Variants in FREM2 observed in about 807,000 individuals in gnomAD.
The protein encoded by FREM2 is FRAS1 related extracellular matrix 2.
In FREM2, 119 loss-of-function variants were observed where a neutral mutation model predicts 219.9. The observed-to-expected ratio is 0.54, with a 90% CI of 0.47 to 0.63. FREM2 has a LOEUF of 0.63. Ranked by LOEUF, FREM2 falls within the 30% of genes least tolerant of loss-of-function variation. The pLI is 0.00. For missense variants in FREM2, 4,030 were observed against 3,993.6 expected, an observed-to-expected ratio of 1.01 and a Z score of -0.25; for synonymous variants, 1,562 against 1,522.8, an observed-to-expected ratio of 1.03 and a Z score of -0.60.
chr13:38,744,308 T>A (rs905087234), intron 2 of FREM2, among the ~76,000 whole-genome samples: 2 of 144,278 alleles, frequency 1.4e-5, no homozygotes, highest in East Asian at 4.3e-4. Context: ...ACTCCTGAGC[T>A]CAAGTGATCC....
At chr13:38,726,623 C>T (rs748748948) in intron 2 of FREM2, among the ~76,000 whole-genome samples, 14 of 152,058 alleles carry the variant, frequency 9.2e-5, no homozygotes, top group Non-Finnish European at 1.6e-4. Context: ...TTCCAGATAC[C>T]CTTGGAAAAA....
intron 17 of FREM2, among the ~76,000 whole-genome samples, chr13:38,873,521 C>T (rs191436166): frequency 1.8e-3 from 278 of 152,280 alleles, no homozygotes; most frequent in African/African-American, 6.3e-3. Context: ...TGAATGTCTG[C>T]GAACTCGGAT....
At chr13:38,762,587 G>A (rs1007625702) in intron 2 of FREM2, among the ~76,000 whole-genome samples, 9 of 151,908 alleles carry the variant, frequency 5.9e-5, no homozygotes, top group African/African-American at 2.2e-4. Context: ...TTACAGGCAT[G>A]CGCCACCATG....
chr13:38,856,361 GC>G (rs1260674705), intron 12 of FREM2, 105 bp downstream of exon 12: 1 of 1,041,692 alleles, frequency 9.6e-7, no homozygotes, highest in East Asian at 2.5e-5. Flanking sequence ...CTTTGAACAA[GC>G]CTTACGTGAA....
At chr13:38,850,651 C>T (rs755663681) in intron 9 of FREM2, among the ~76,000 whole-genome samples, 16 of 152,188 alleles carry the variant, frequency 1.1e-4, no homozygotes, top group Non-Finnish European at 1.9e-4. Context: ...GCTAAAAATT[C>T]ATAAATAAAA....
intron 6 of FREM2, among the ~76,000 whole-genome samples, chr13:38,818,738 G>A (rs1206584129): frequency 6.6e-6 from 1 of 152,000 alleles, no homozygotes; most frequent in Non-Finnish European, 1.5e-5. Flanking sequence ...TGAGGCAGGT[G>A]GATCACCTGA....
intron 12 of FREM2, among the ~76,000 whole-genome samples, chr13:38,857,022 G>T (rs1418392613): frequency 6.6e-6 from 1 of 151,916 alleles, no homozygotes; most frequent in East Asian, 1.9e-4. Flanking sequence ...TTCTACTACA[G>T]TGCCTTGCTT....
At chr13:38,783,298 T>C (rs1424624835) in intron 5 of FREM2, 103 bp downstream of exon 5, 1 of 1,229,512 alleles carries the variant, frequency 8.1e-7, no homozygotes, top group East Asian at 2.3e-5. Flanking sequence ...GTATACTTTA[T>C]TAATTTTCCA....
chr13:38,707,443 CT>C (rs1351317649), intron 2 of FREM2, among the ~76,000 whole-genome samples: 1 of 152,122 alleles, frequency 6.6e-6, no homozygotes, highest in East Asian at 1.9e-4. Context: ...TTCATGGTAG[CT>C]TTTGATGAAG....
intron 3 of FREM2, 70 bp downstream of exon 3, chr13:38,764,520 TTAAAG>T: frequency 1.1e-6 from 1 of 931,928 alleles, no homozygotes; most frequent in South Asian, 1.6e-5. Flanking sequence ...TCTACAGTGA[TTAAAG>T]TATCAGTTTA....
chr13:38,765,118 G>T (rs983794297), intron 3 of FREM2, among the ~76,000 whole-genome samples: 2 of 152,146 alleles, frequency 1.3e-5, no homozygotes, highest in Non-Finnish European at 2.9e-5. Flanking sequence ...CACCGTGTTA[G>T]CCAGGATAGT....
At chr13:38,737,434 G>A (rs189470309) in intron 2 of FREM2, among the ~76,000 whole-genome samples, 6 of 152,290 alleles carry the variant, frequency 3.9e-5, no homozygotes, top group Non-Finnish European at 5.9e-5. Context: ...ATGGCAAAGC[G>A]AATGTTTGCT....
chr13:38,813,853 C>A (rs1434219139), intron 6 of FREM2, among the ~76,000 whole-genome samples: 1 of 151,484 alleles, frequency 6.6e-6, no homozygotes, highest in Non-Finnish European at 1.5e-5. Context: ...TTTTGAGGGT[C>A]TTTTCTAGAT....
intron 2 of FREM2, among the ~76,000 whole-genome samples, chr13:38,712,650 T>TCACA (rs58097045): frequency 1.3e-5 from 2 of 148,958 alleles, no homozygotes; most frequent in African/African-American, 5.0e-5. Flanking sequence ...TTTCTCTCTC[T>TCACA]CACACACACA....
intron 6 of FREM2, among the ~76,000 whole-genome samples, chr13:38,790,989 A>G (rs1337588001): frequency 6.6e-6 from 1 of 152,172 alleles, no homozygotes; most frequent in Admixed American, 6.5e-5. Flanking sequence ...GAAAATTACC[A>G]TTATAAACCA....
At chr13:38,841,262 G>A (rs935524475) in intron 6 of FREM2, among the ~76,000 whole-genome samples, 1 of 152,120 alleles carries the variant, frequency 6.6e-6, no homozygotes, top group Admixed American at 6.5e-5. Flanking sequence ...AATAATACGC[G>A]GATTGCTGAC....
rs1461300499 is a variant in FREM2 at position 38,690,889 on chromosome 13, T to C, written c.3545T>C (p.Val1182Ala). ...NFSERQFFPIVIIPTNDEQPE... is the reference protein window; with the variant it reads ...NFSERQFFPIAIIPTNDEQPE... ...TCAGAGAGACAGTTCTTCCCCATTG[T>C]AATCATTCCCACCAATGATGAACAG... Residue 1182 changes from valine (V) to alanine (A), a missense_variant, in exon 1 of 24, where the codon GTA (valine) becomes GCA (alanine). Physicochemically the swap from Val to Ala is moderately conservative, Grantham distance 64. Coordinates refer to ENST00000280481, the MANE Select transcript of FREM2 (RefSeq NM_207361.6). 1.2e-6 allele frequency: 2 copies of C among 1,614,030 alleles called. No individual in the cohort carries two copies. The highest frequency in any genetic ancestry group is 1.7e-6 in the Non-Finnish European group (2 of 1,180,016).
rs763100380 is a variant in FREM2 at position 38,690,641 on chromosome 13, T to G, written c.3297T>G (p.Asn1099Lys). 1 of 1,613,812 alleles carries G rather than the reference T, an allele frequency of 6.2e-7. No homozygotes were observed. Among genetic ancestry groups the G allele is most frequent in the Non-Finnish European group, 8.5e-7 (1 of 1,179,882 alleles). ...GTGCTGAAGATGTCGACTCCCTGAA[T>G]GATGACATCTTGTGCACTATAGTTA... ...HISAEDVDSL[N>K]DDILCTIVIQ... The change falls in exon 1 of 24, where the codon AAT becomes AAG. Residue 1099 changes from asparagine to lysine, a missense_variant. Coordinates refer to ENST00000280481, the MANE Select transcript of FREM2 (RefSeq NM_207361.6).
Position 38,688,853 on chromosome 13 carries a change from T to C in FREM2, c.1509T>C (p.Ala503=), listed in dbSNP as rs1593341118. ...TGGGTGCTTCCAGTGGCAGCTCTGCTCCCAAGAGCTTTACAGTGGCTGAGC... is the reference window on the plus strand; with the variant it reads ...TGGGTGCTTCCAGTGGCAGCTCTGCCCCCAAGAGCTTTACAGTGGCTGAGC... ...VILGASSGSS[A]PKSFTVAELA... Residue 503 remains alanine (A), a synonymous_variant, in exon 1 of 24, where the codon GCT becomes GCC. Transcript: ENST00000280481. 2.5e-6 allele frequency: 4 copies of C among 1,613,582 alleles called. No homozygotes were observed. In the East Asian group the frequency reaches 8.9e-5, roughly 36 times the overall value.
Sources: gnomAD v4.1 joint callset for allele counts (sites outside exome capture counted in the v4.1 genomes callset) on GRCh38, gnomAD v4.1.1 for gene constraint, MANE v1.5 for transcripts, NCBI Gene and HGNC (gene_info 2026-07-23, HGNC 2026-07-21) for gene names.